Variants in TASP1 observed in about 807,000 individuals in gnomAD.
TASP1 encodes the protein threonine aspartase 1.
A neutral mutation model predicts 56.6 loss-of-function variants in TASP1; 16 were observed. That is an observed-to-expected ratio of 0.28 (90% CI 0.19 to 0.43). The LOEUF (loss-of-function observed/expected upper bound fraction) is 0.43, where lower values mean the gene tolerates loss of function less well. TASP1 is among the 20% of genes least tolerant of loss of function. The pLI is 1.00. For missense variants in TASP1, 393 were observed against 511.6 expected (o/e 0.77, Z 2.24); for synonymous variants, 179 against 184.2 (o/e 0.97, Z 0.23).
chr20:13,200,614 T>C, the TASP1 span, among the ~76,000 whole-genome samples: 1 of 152,090 alleles, frequency 6.6e-6, no homozygotes, highest in Non-Finnish European at 1.5e-5. Flanking sequence ...ATAAATCCAC[T>C]TGACTTAATT....
At chr20:13,512,204 T>C (rs113481705) in intron 10 of TASP1, among the ~76,000 whole-genome samples, 4,466 of 152,222 alleles carry the variant, frequency 0.029, 81 homozygotes, top group Middle Eastern at 0.051. Flanking sequence ...ATGGTTGAAC[T>C]AGTTTACAGT....
intron 4 of TASP1, among the ~76,000 whole-genome samples, chr20:13,606,864 G>A (rs1415061754): frequency 2.0e-5 from 3 of 151,724 alleles, no homozygotes. Context: ...AATATGTAAG[G>A]CAATGCCTGG....
rs572079408 is a variant in TASP1 at position 13,550,491 on chromosome 20, T to A, written c.675+8517A>T. Among the ~76,000 whole-genome samples the A allele has an allele frequency of 7.9e-5, 12 of 152,058 alleles. No individual in the cohort carries two copies. In the South Asian group the frequency reaches 1.9e-3, roughly 24 times the overall value. On this transcript the variant is annotated intron_variant, in intron 8 of 13. Transcript: ENST00000337743. The stretch of plus-strand genomic sequence containing the variant: ...ATATTACCTACAACTAAAAAAAAAA[T>A]TTCAAATACCAGACAATCATTTCAC...
chr20:13,216,256 A>C, the TASP1 span, among the ~76,000 whole-genome samples: 2 of 152,166 alleles, frequency 1.3e-5, no homozygotes, highest in South Asian at 4.1e-4. Context: ...CTGAGAGTAG[A>C]CATTCTTAGC....
the TASP1 span, among the ~76,000 whole-genome samples, chr20:13,310,041 A>T: frequency 6.6e-6 from 1 of 152,216 alleles, no homozygotes; most frequent in Non-Finnish European, 1.5e-5. Context: ...ATTCGATGCA[A>T]TCCCTAACAA....
At chr20:13,250,541 T>C in the TASP1 span, among the ~76,000 whole-genome samples, 2 of 152,184 alleles carry the variant, frequency 1.3e-5, no homozygotes, top group Non-Finnish European at 2.9e-5. Flanking sequence ...TTGCTGCACA[T>C]TGGAATCGCC....
At chr20:13,147,477 A>G in the TASP1 span, among the ~76,000 whole-genome samples, 1 of 152,070 alleles carries the variant, frequency 6.6e-6, no homozygotes, top group African/African-American at 2.4e-5. Flanking sequence ...CCTGCTGTCC[A>G]TTGAAACTTT....
the TASP1 span, among the ~76,000 whole-genome samples, chr20:13,170,320 T>TTATTTTAGCTAAACGTTA: frequency 6.6e-6 from 1 of 152,192 alleles, no homozygotes; most frequent in African/African-American, 2.4e-5. Context: ...TCTTAAAAAG[T>TTATTTTAGCTAAACGTTA]TATTTTAGCT....
chr20:13,352,648 C>T, the TASP1 span, among the ~76,000 whole-genome samples: 1 of 152,078 alleles, frequency 6.6e-6, no homozygotes, highest in Non-Finnish European at 1.5e-5. Flanking sequence ...CAGTCTGTGG[C>T]CTTTTTTAAT....
chr20:13,325,530 C>T, the TASP1 span, among the ~76,000 whole-genome samples: 1 of 152,252 alleles, frequency 6.6e-6, no homozygotes, highest in South Asian at 2.1e-4. Flanking sequence ...ATTCACCTTT[C>T]CCCAACTTGT....
At chr20:13,454,151 C>T (rs901804529) in intron 11 of TASP1, among the ~76,000 whole-genome samples, 1 of 151,810 alleles carries the variant, frequency 6.6e-6, no homozygotes, top group Non-Finnish European at 1.5e-5. Flanking sequence ...ACACTGGAAA[C>T]CATGAAGTAG....
At chr20:13,240,250 C>T in the TASP1 span, among the ~76,000 whole-genome samples, 1 of 152,264 alleles carries the variant, frequency 6.6e-6, no homozygotes, top group South Asian at 2.1e-4. Flanking sequence ...AGAAAACTGA[C>T]AATAATTGAT....
chr20:13,551,089 T>C (rs2045968179), intron 8 of TASP1, among the ~76,000 whole-genome samples: 1 of 152,174 alleles, frequency 6.6e-6, no homozygotes, highest in Non-Finnish European at 1.5e-5. Flanking sequence ...TTCTGAAACA[T>C]GTGGCCAATT....
the TASP1 span, among the ~76,000 whole-genome samples, chr20:13,348,894 T>C: frequency 2.0e-5 from 3 of 152,172 alleles, no homozygotes; most frequent in African/African-American, 7.2e-5. Context: ...AAGCGTATCA[T>C]AGAAGAGCCA....
chr20:13,299,086 T>C, the TASP1 span: 1 of 1,613,768 alleles, frequency 6.2e-7, no homozygotes, highest in East Asian at 2.2e-5. The surrounding 1 kb of genome is among the most constrained non-coding windows in gnomAD (Gnocchi z 5.8). Flanking sequence ...TTCGACCGCA[T>C]CAAGCGCAAG....
chr20:13,275,873 G>A, the TASP1 span, among the ~76,000 whole-genome samples: 53 of 152,264 alleles, frequency 3.5e-4, no homozygotes, highest in Non-Finnish European at 5.1e-4. Context: ...TGTTTACCTC[G>A]GGACCTTGAA....
the TASP1 span, among the ~76,000 whole-genome samples, chr20:13,343,183 C>G: frequency 6.6e-6 from 1 of 152,196 alleles, no homozygotes; most frequent in East Asian, 1.9e-4. Context: ...ATTCCTCCTA[C>G]AATTCTCTCT....
intron 1 of TASP1, among the ~76,000 whole-genome samples, chr20:13,634,896 C>CGA (rs2049240577): frequency 6.6e-6 from 1 of 151,912 alleles, no homozygotes; most frequent in African/African-American, 2.4e-5. Flanking sequence ...GGCGTGGTGG[C>CGA]GCATGCCTGT....
At chr20:13,590,073 A>G (rs552924943) in intron 4 of TASP1, among the ~76,000 whole-genome samples, 11 of 152,086 alleles carry the variant, frequency 7.2e-5, no homozygotes, top group Non-Finnish European at 8.8e-5. Context: ...CTCTACTAAC[A>G]ATACAAAAAT....
Sources: allele counts gnomAD v4.1 joint callset (sites outside exome capture counted in the v4.1 genomes callset), GRCh38; gene constraint gnomAD v4.1.1; non-coding constraint Gnocchi (gnomAD v3.1); transcripts MANE v1.5; gene names NCBI Gene and HGNC (gene_info 2026-07-23, HGNC 2026-07-21).